Variants in PIK3AP1 observed in about 807,000 individuals in gnomAD.
The protein encoded by PIK3AP1 is phosphoinositide 3-kinase adapter protein 1.
Under a neutral mutation model 88.1 loss-of-function variants are expected in PIK3AP1, and 21 were observed. That is an observed-to-expected ratio of 0.24 (90% CI 0.17 to 0.34). PIK3AP1 has a LOEUF of 0.34. PIK3AP1 is among the 10% of genes least tolerant of loss of function. PIK3AP1 has a pLI of 1.00. For missense variants in PIK3AP1, 828 were observed against 1,035.7 expected (o/e 0.80, Z 2.75); for synonymous variants, 398 against 400.0 (o/e 1.00, Z 0.06).
rs760285367 is a variant in PIK3AP1, at chr10:96,593,765, G to A, written c.*1812C>T. On this transcript the variant is annotated 3_prime_UTR_variant, in exon 17 of 17. Coordinates refer to ENST00000339364, the MANE Select transcript of PIK3AP1 (RefSeq NM_152309.3). Reference sequence around the variant, plus strand: ...GTAATTAATTACTACAAACACTCTCGTGATGGACATGGCCAATAGTGTATT... The same window carrying A: ...GTAATTAATTACTACAAACACTCTCATGATGGACATGGCCAATAGTGTATT... The A allele has an allele frequency of 1.3e-5, 2 of 152,130 alleles. No homozygotes were observed. Among genetic ancestry groups the A allele is most frequent in the Non-Finnish European group, 2.9e-5 (2 of 68,034 alleles). The allele number at this position is 152,130 out of a possible 1,614,324, so 9.4% of individuals were successfully genotyped here.
chr10:96,627,242 A>G (rs1843166519), intron 9 of PIK3AP1, among the ~76,000 whole-genome samples: 1 of 152,246 alleles, frequency 6.6e-6, no homozygotes, highest in African/African-American at 2.4e-5. Context: ...TAGTTAAGAA[A>G]GGTGGGGCGT....
intron 2 of PIK3AP1, among the ~76,000 whole-genome samples, chr10:96,669,271 C>T (rs943382450): frequency 2.0e-5 from 3 of 152,146 alleles, no homozygotes; most frequent in Non-Finnish European, 2.9e-5. Context: ...CTACCTAAGC[C>T]ACAGTGATGA....
intron 2 of PIK3AP1, among the ~76,000 whole-genome samples, chr10:96,707,437 C>T (rs1287916292): frequency 2.0e-5 from 3 of 152,068 alleles, no homozygotes; most frequent in African/African-American, 7.3e-5. Context: ...GGATTACAGG[C>T]ACGCACCATC....
intron 2 of PIK3AP1, among the ~76,000 whole-genome samples, chr10:96,682,534 A>G (rs1237505486): frequency 6.6e-6 from 1 of 152,154 alleles, no homozygotes; most frequent in Non-Finnish European, 1.5e-5. Flanking sequence ...AAAGGGAAGC[A>G]CCTTTCTTCC....
At position 96,709,757 on chromosome 10, in the gene PIK3AP1, G is replaced by T; in HGVS notation, c.240C>A (p.His80Gln). ...GCAGCAGGGGCAGCAAGGCGGGCTT[G>T]TGGAAGTGCTGCACCAGCTCCGCGG... Reference protein sequence around the residue: ...LLSAELVQHFHKPALLPLLQR... With the variant: ...LLSAELVQHFQKPALLPLLQR... Residue 80 changes from histidine (H) to glutamine (Q), a missense_variant, in exon 2 of 17, where the codon CAC becomes CAA. Coordinates refer to ENST00000339364, the MANE Select transcript of PIK3AP1 (RefSeq NM_152309.3). 6.2e-7 allele frequency: 1 copy of T among 1,613,940 alleles called. No individual in the cohort carries two copies. The highest frequency in any genetic ancestry group is 1.3e-5 in the African/African-American group (1 of 75,074).
Position 96,705,890 on chromosome 10 carries a change from T to G in PIK3AP1, c.430+3677A>C, listed in dbSNP as rs1252558858. Among the ~76,000 whole-genome samples the G allele has an allele frequency of 1.1e-3, 147 of 127,874 alleles. 1 individual carries two copies. Among genetic ancestry groups the G allele is most frequent in the African/African-American group, 4.2e-3 (135 of 32,462 alleles). The allele number at this position is 127,874 out of a possible 152,430, so 83.9% of individuals were successfully genotyped here. On this transcript the variant is annotated intron_variant, in intron 2 of 16. Coordinates refer to ENST00000339364, the MANE Select transcript of PIK3AP1 (RefSeq NM_152309.3). ...CCACTATGCCCAGCCAGTTGTTTTT[T>G]TTTTTTTTTTTTTTTTTTTTTGAGA...
intron 2 of PIK3AP1, among the ~76,000 whole-genome samples, chr10:96,674,547 G>A (rs1843890545): frequency 6.6e-6 from 1 of 152,246 alleles, no homozygotes; most frequent in Non-Finnish European, 1.5e-5. Context: ...TGATTTCTCT[G>A]AGAACAGATT....
Position 96,620,438 on chromosome 10 carries a change from T to C in PIK3AP1, c.1855A>G (p.Ile619Val). ...AGCACAGCCTCATCCACGTTGACAA[T>C]GCCCAGCTTCACCTGCTCCTGGAGG... ...ITLQEQVKLG[I>V]VNVDEAVLHF... Residue 619 changes from isoleucine (I) to valine (V), a missense_variant, in exon 12 of 17, where the codon ATT (isoleucine) becomes GTT (valine). Physicochemically the swap from Ile to Val is conservative, Grantham distance 29. Transcript: ENST00000339364. The C allele has an allele frequency of 6.2e-7, 1 of 1,614,168 alleles. No homozygotes were observed. Among genetic ancestry groups the C allele is most frequent in the Non-Finnish European group, 8.5e-7 (1 of 1,180,012 alleles).
intron 11 of PIK3AP1, among the ~76,000 whole-genome samples, chr10:96,621,888 A>T (rs10882829): frequency 3.3e-4 from 50 of 152,160 alleles, no homozygotes; most frequent in African/African-American, 1.2e-3. Flanking sequence ...TGCTAGCAGC[A>T]CCCCCTTCTT....
intron 2 of PIK3AP1, among the ~76,000 whole-genome samples, chr10:96,664,813 A>T (rs955523815): frequency 6.6e-6 from 1 of 152,166 alleles, no homozygotes; most frequent in African/African-American, 2.4e-5. Flanking sequence ...GCGCTGATTG[A>T]CAAGCCACAG....
chr10:96,660,715 T>C (rs992638979), intron 2 of PIK3AP1, among the ~76,000 whole-genome samples: 7 of 152,206 alleles, frequency 4.6e-5, no homozygotes, highest in African/African-American at 7.2e-5. Context: ...CAAATGTTTA[T>C]AGCAGCTTTG....
chr10:96,717,502 G>A (rs569751056), intron 1 of PIK3AP1, among the ~76,000 whole-genome samples: 1 of 152,300 alleles, frequency 6.6e-6, no homozygotes, highest in East Asian at 1.9e-4. Context: ...CCCAGAAGTT[G>A]TTCAAATTTA....
chr10:96,656,119 A>G (rs1843611478), intron 3 of PIK3AP1, among the ~76,000 whole-genome samples: 1 of 152,344 alleles, frequency 6.6e-6, no homozygotes, highest in East Asian at 1.9e-4. Context: ...GCTTGTATCC[A>G]TAAAGGAAGC....
At chr10:96,670,301 C>T (rs1201127627) in intron 2 of PIK3AP1, among the ~76,000 whole-genome samples, 1 of 152,084 alleles carries the variant, frequency 6.6e-6, no homozygotes, top group Non-Finnish European at 1.5e-5. Context: ...ACTTACCCTT[C>T]TGTGAAAAAG....
At chr10:96,609,687 C>T in intron 14 of PIK3AP1, 25 bp downstream of exon 14, 3 of 1,606,036 alleles carry the variant, frequency 1.9e-6, no homozygotes, top group Non-Finnish European at 2.6e-6. Flanking sequence ...AAGAAGACCC[C>T]ACCCCCGCAC....
chr10:96,655,412 C>T (rs1843601599), intron 3 of PIK3AP1, among the ~76,000 whole-genome samples: 1 of 152,182 alleles, frequency 6.6e-6, no homozygotes, highest in Non-Finnish European at 1.5e-5. Flanking sequence ...GAGGCTGAGG[C>T]ACAAGAATTG....
chr10:96,708,782 A>G (rs1483091771), intron 2 of PIK3AP1, among the ~76,000 whole-genome samples: 1 of 152,010 alleles, frequency 6.6e-6, no homozygotes, highest in Non-Finnish European at 1.5e-5. Context: ...TATAGAAGCT[A>G]GGCTGGTGGG....
intron 15 of PIK3AP1, 80 bp downstream of exon 15, chr10:96,603,899 C>A (rs146558082): frequency 9.0e-5 from 117 of 1,300,090 alleles, no homozygotes; most frequent in Non-Finnish European, 1.2e-4. Context: ...TTGTGCCTGG[C>A]TCCTTTCACC....
At chr10:96,687,968 A>G (rs757532191) in intron 2 of PIK3AP1, among the ~76,000 whole-genome samples, 1 of 152,238 alleles carries the variant, frequency 6.6e-6, no homozygotes, top group South Asian at 2.1e-4. Flanking sequence ...TGACTTATTC[A>G]CAGAGCTGGT....
Sources: allele counts gnomAD v4.1 joint callset (sites outside exome capture counted in the v4.1 genomes callset), GRCh38; gene constraint gnomAD v4.1.1; transcripts MANE v1.5; gene names NCBI Gene and HGNC (gene_info 2026-07-23, HGNC 2026-07-21).